CTNNAL1: variants seen among roughly 807,000 people sequenced by gnomAD.
CTNNAL1 encodes alpha-catulin.
CTNNAL1 carries 69 observed loss-of-function variants against 93.6 expected under a neutral mutation model. The ratio of observed to expected loss-of-function variants is 0.74; its 90% CI spans 0.61 to 0.90. CTNNAL1 has a LOEUF of 0.90. Among genes scored for constraint, CTNNAL1 ranks in the 40% least tolerant of loss-of-function variants. The pLI, the probability that CTNNAL1 is intolerant of heterozygous loss-of-function variation, is 0.00. For synonymous variants in CTNNAL1, 286 were observed against 305.4 expected, an observed-to-expected ratio of 0.94 and a Z score of 0.66; for missense variants, 836 against 862.0, an observed-to-expected ratio of 0.97 and a Z score of 0.38.
chr9:108,956,407 C>T (rs1414678490), intron 11 of CTNNAL1, among the ~76,000 whole-genome samples: 1 of 152,218 alleles, frequency 6.6e-6, no homozygotes, highest in Non-Finnish European at 1.5e-5. Flanking sequence ...CACATCATCC[C>T]TGCCCCATCT....
intron 11 of CTNNAL1, among the ~76,000 whole-genome samples, chr9:108,962,993 C>T (rs1214957796): frequency 5.3e-5 from 8 of 152,140 alleles, no homozygotes; most frequent in Admixed American, 5.2e-4. Context: ...GAGATTAGCA[C>T]TCAGATCTCA....
intron 8 of CTNNAL1, among the ~76,000 whole-genome samples, chr9:108,975,060 G>C (rs1256748723): frequency 6.6e-6 from 1 of 152,118 alleles, no homozygotes; most frequent in Non-Finnish European, 1.5e-5. Context: ...CTACTCGGGA[G>C]GCTGAGGCAT....
At position 108,950,726 on chromosome 9, in the gene CTNNAL1, A is replaced by G. The variant is rs548522926; in HGVS notation, c.1835+1483T>C. On this transcript the variant is annotated intron_variant, in intron 14 of 18. Coordinates refer to ENST00000325551, the MANE Select transcript of CTNNAL1 (RefSeq NM_003798.4). ...CTTTCTGGTGACTTTGCAAAAATAA[A>G]TTGAACACATTAACCCTTTCTTTTC... is the stretch of plus-strand genomic sequence containing the variant. 3.5e-4 allele frequency: 415 copies of G among 1,174,016 alleles called. 1 individual carries two copies. The highest frequency in any genetic ancestry group is 4.7e-4 in the Non-Finnish European group (401 of 853,454). 72.7% of individuals were successfully genotyped at this position (1,174,016 alleles called of 1,614,324 possible).
chr9:108,975,270 A>T (rs1159822878), intron 8 of CTNNAL1, among the ~76,000 whole-genome samples: 1 of 144,178 alleles, frequency 6.9e-6, no homozygotes, highest in Non-Finnish European at 1.5e-5. Flanking sequence ...GCCCACTGTG[A>T]CTCCCTCCTC....
At chr9:108,952,603 A>G in intron 12 of CTNNAL1, 109 bp from the exon 13 acceptor site, 1 of 1,354,692 alleles carries the variant, frequency 7.4e-7, no homozygotes, top group South Asian at 1.3e-5. Flanking sequence ...AAAGTTTAAA[A>G]TATTCAGTAT....
rs182388661 is a variant in CTNNAL1 at position 108,949,928 on chromosome 9, G to C, written c.1836-1694C>G. On this transcript the variant is annotated intron_variant, in intron 14 of 18. Coordinates refer to ENST00000325551, the MANE Select transcript of CTNNAL1 (RefSeq NM_003798.4). ...AATCCCAGCTACTCGGGAGGCTAAGGCATGAGAATTGCTTGAACTCAGGAG... is the reference window on the plus strand; with the variant it reads ...AATCCCAGCTACTCGGGAGGCTAAGCCATGAGAATTGCTTGAACTCAGGAG... Among the ~76,000 whole-genome samples, 24 of 151,352 alleles carry C rather than the reference G, an allele frequency of 1.6e-4. No individual in the cohort carries two copies. In the East Asian group the frequency reaches 4.3e-3, roughly 27 times the overall value.
Position 108,955,270 on chromosome 9 carries a change from G to A in CTNNAL1, c.1629+520C>T, listed in dbSNP as rs548789990. ...CAAAGTGCTGGGATTACAGGCATAAGACACCGTGCCCAGCCCACAATTTCC... is the reference window on the plus strand; with the variant it reads ...CAAAGTGCTGGGATTACAGGCATAAAACACCGTGCCCAGCCCACAATTTCC... On this transcript the variant is annotated intron_variant, in intron 12 of 18. Coordinates refer to ENST00000325551, the MANE Select transcript of CTNNAL1 (RefSeq NM_003798.4). 4.6e-5 allele frequency among the ~76,000 whole-genome samples: 7 copies of A among 152,290 alleles called. No individual in the cohort carries two copies. The South Asian group carries it at 1.2e-3, about 27-fold the overall frequency.
At chr9:108,970,672 T>C (rs1041819692) in intron 9 of CTNNAL1, among the ~76,000 whole-genome samples, 178 bp from the exon 10 acceptor site, 3 of 152,218 alleles carry the variant, frequency 2.0e-5, no homozygotes, top group Admixed American at 1.3e-4. Context: ...ACAGATTCTC[T>C]GGGAACAAAG....
At chr9:108,947,757 C>T (rs1346412551) in intron 15 of CTNNAL1, among the ~76,000 whole-genome samples, 1 of 152,014 alleles carries the variant, frequency 6.6e-6, no homozygotes, top group Non-Finnish European at 1.5e-5. Flanking sequence ...TACTTAATAC[C>T]CTCTAATAGT....
intron 9 of CTNNAL1, among the ~76,000 whole-genome samples, 189 bp downstream of exon 9, chr9:108,972,486 T>C (rs1015335248): frequency 6.6e-6 from 1 of 152,180 alleles, no homozygotes; most frequent in Non-Finnish European, 1.5e-5. Context: ...TCTTAGCATT[T>C]TTTTTGTTTT....
chr9:109,006,944 C>A (rs768701829), intron 1 of CTNNAL1, among the ~76,000 whole-genome samples: 2 of 152,166 alleles, frequency 1.3e-5, no homozygotes, highest in African/African-American at 2.4e-5. Flanking sequence ...ATCAGCCAGG[C>A]GTGGCAGATC....
intron 14 of CTNNAL1, chr9:108,950,806 GT>G (rs1442675968): frequency 2.5e-5 from 14 of 571,228 alleles, no homozygotes; most frequent in Non-Finnish European, 3.9e-5. Context: ...TCTTCCATGT[GT>G]TTTATAGAGA....
chr9:108,962,971 T>C (rs1830857376), intron 11 of CTNNAL1, among the ~76,000 whole-genome samples: 1 of 152,162 alleles, frequency 6.6e-6, no homozygotes, highest in Admixed American at 6.5e-5. Flanking sequence ...TACCCAATTC[T>C]ATCCCTAACA....
chr9:108,948,434 A>G lies in CTNNAL1; in HGVS notation c.1836-200T>C, dbSNP rs41306486. On this transcript the variant is annotated intron_variant, in intron 14 of 18. Coordinates refer to ENST00000325551, the MANE Select transcript of CTNNAL1 (RefSeq NM_003798.4). ...ATTATTTATTAAGATATTTTTCCCC[A>G]AGTAAACCTTATGTTAATTTCATAA... 5.7e-3 allele frequency among the ~76,000 whole-genome samples: 863 copies of G among 152,280 alleles called. 21 individuals carry two copies. Among genetic ancestry groups the G allele is most frequent in the Non-Finnish European group, 4.1e-3 (282 of 68,002 alleles).
intron 1 of CTNNAL1, among the ~76,000 whole-genome samples, chr9:109,006,949 C>A (rs1051722516): frequency 6.6e-6 from 1 of 152,150 alleles, no homozygotes; most frequent in Non-Finnish European, 1.5e-5. Context: ...CCAGGCGTGG[C>A]AGATCACACC....
chr9:108,960,451 A>G (rs1830795163), intron 11 of CTNNAL1, among the ~76,000 whole-genome samples: 1 of 152,066 alleles, frequency 6.6e-6, no homozygotes, highest in Non-Finnish European at 1.5e-5. Flanking sequence ...CTGTACCCCC[A>G]TTTTTAGTGG....
At chr9:108,988,081 C>G (rs1281633682) in intron 4 of CTNNAL1, among the ~76,000 whole-genome samples, 1 of 152,040 alleles carries the variant, frequency 6.6e-6, no homozygotes, top group African/African-American at 2.4e-5. Flanking sequence ...TAGGAGTCAC[C>G]ACTGCCACTT....
At chr9:108,948,891 C>T (rs542798573) in intron 14 of CTNNAL1, among the ~76,000 whole-genome samples, 11 of 152,202 alleles carry the variant, frequency 7.2e-5, no homozygotes, top group African/African-American at 2.6e-4. Context: ...TAGTAGCAAC[C>T]AGTTCTGCCA....
At chr9:108,984,301 G>A (rs1217783924) in intron 5 of CTNNAL1, 46 bp downstream of exon 5, 2 of 940,876 alleles carry the variant, frequency 2.1e-6, no homozygotes, top group African/African-American at 3.3e-5. Flanking sequence ...TTAGTCGGGT[G>A]TTCTAATTAT....
Sources: gnomAD v4.1 joint callset for allele counts (sites outside exome capture counted in the v4.1 genomes callset) on GRCh38, gnomAD v4.1.1 for gene constraint, MANE v1.5 for transcripts, NCBI Gene and HGNC (gene_info 2026-07-23, HGNC 2026-07-21) for gene names.